ARMH4: variants seen among roughly 807,000 people sequenced by gnomAD.
The protein encoded by ARMH4 is armadillo-like helical domain-containing protein 4.
A neutral mutation model predicts 61.9 loss-of-function variants in ARMH4; 49 were observed. That is an observed-to-expected ratio of 0.79 (90% confidence interval 0.63 to 1.00). The LOEUF (loss-of-function observed/expected upper bound fraction) is 1.00. Among genes scored for constraint, ARMH4 ranks in the 50% least tolerant of loss-of-function variants. The probability of loss-of-function intolerance (pLI) is 0.00; values close to 1 mark genes in which losing one functional copy is unlikely to be tolerated. For missense variants in ARMH4, 934 were observed against 930.0 expected (o/e 1.00, Z -0.06); for synonymous variants, 368 against 341.5 (o/e 1.08, Z -0.85).
chr14:58,133,420 CT>C, intron 2 of ARMH4, 79 bp from the exon 3 acceptor site: 1 of 1,407,922 alleles, frequency 7.1e-7, no homozygotes, highest in Non-Finnish European at 9.5e-7. Context: ...TGATTAAAAA[CT>C]TGGGGGGAGG....
At chr14:58,044,020 G>A (rs1186371791) in intron 5 of ARMH4, among the ~76,000 whole-genome samples, 2 of 152,160 alleles carry the variant, frequency 1.3e-5, no homozygotes, top group African/African-American at 2.4e-5. Flanking sequence ...AATCAATATA[G>A]TGAAAATGGC....
intron 5 of ARMH4, among the ~76,000 whole-genome samples, chr14:58,074,595 A>C (rs998208931): frequency 6.6e-6 from 1 of 151,948 alleles, no homozygotes; most frequent in African/African-American, 2.4e-5. Context: ...ACCATGGCCA[A>C]TTTCCAACCA....
intron 4 of ARMH4, among the ~76,000 whole-genome samples, chr14:58,125,375 CA>C (rs761180315): frequency 2.0e-5 from 3 of 152,266 alleles, no homozygotes; most frequent in Admixed American, 1.3e-4. Flanking sequence ...AAACCTTCAC[CA>C]AACCTTTCAG....
chr14:58,010,569 G>A (rs1882371587), intron 6 of ARMH4, among the ~76,000 whole-genome samples: 5 of 151,956 alleles, frequency 3.3e-5, no homozygotes, highest in Admixed American at 3.3e-4. Flanking sequence ...AGAAAGTGAT[G>A]AGAAAGCTGG....
At chr14:58,095,733 G>C (rs1480690355) in intron 5 of ARMH4, among the ~76,000 whole-genome samples, 1 of 152,128 alleles carries the variant, frequency 6.6e-6, no homozygotes, top group East Asian at 1.9e-4. Context: ...CCAATCTATA[G>C]AGTGCAACTC....
intron 5 of ARMH4, among the ~76,000 whole-genome samples, chr14:58,082,269 C>T (rs1885252714): frequency 6.6e-6 from 1 of 152,174 alleles, no homozygotes; most frequent in African/African-American, 2.4e-5. Flanking sequence ...TATATAAAAG[C>T]TCGAGGAAGT....
intron 3 of ARMH4, among the ~76,000 whole-genome samples, chr14:58,132,777 G>T (rs943045279): frequency 2.0e-5 from 3 of 151,784 alleles, no homozygotes; most frequent in African/African-American, 7.3e-5. Flanking sequence ...AGTAGAGACG[G>T]GGTTTCACCA....
chr14:58,048,530 A>G (rs72714783), intron 5 of ARMH4, among the ~76,000 whole-genome samples: 154 of 152,312 alleles, frequency 1.0e-3, no homozygotes, highest in Non-Finnish European at 2.0e-3. Flanking sequence ...CAGCCCTTCA[A>G]ATTGCTGAGC....
chr14:58,116,362 C>T, intron 4 of ARMH4: 1 of 363,980 alleles, frequency 2.7e-6, no homozygotes, highest in South Asian at 2.1e-5. Flanking sequence ...GATTCAATTT[C>T]CATTTCAGGC....
At chr14:58,066,056 A>G (rs1884690764) in intron 5 of ARMH4, among the ~76,000 whole-genome samples, 1 of 152,184 alleles carries the variant, frequency 6.6e-6, no homozygotes, top group Admixed American at 6.5e-5. Flanking sequence ...ACCTAGCTAA[A>G]CTAGGCCTTG....
intron 5 of ARMH4, among the ~76,000 whole-genome samples, chr14:58,094,290 A>G (rs908699245): frequency 1.4e-5 from 2 of 146,268 alleles, no homozygotes; most frequent in African/African-American, 2.6e-5. Flanking sequence ...AGATCGCCCC[A>G]CTACACTCCA....
rs557813698 is a variant in ARMH4, at chr14:58,025,428, G to A, written c.2090-13278C>T. Among the ~76,000 whole-genome samples, 3 of 152,150 alleles carry A rather than the reference G, an allele frequency of 2.0e-5. No individual in the cohort carries two copies. The South Asian group carries it at 6.2e-4, about 32-fold the overall frequency. On this transcript the variant is annotated intron_variant, in intron 5 of 7. Coordinates refer to ENST00000267485, the MANE Select transcript of ARMH4 (RefSeq NM_001001872.4). Reference sequence around the variant, plus strand: ...AATTTTCAATATCACATCTTTCAAGGTGGGAAACCTGATTGTTATCTTAAT... The same window carrying A: ...AATTTTCAATATCACATCTTTCAAGATGGGAAACCTGATTGTTATCTTAAT...
intron 5 of ARMH4, among the ~76,000 whole-genome samples, chr14:58,042,385 T>C (rs1883755019): frequency 6.6e-6 from 1 of 152,228 alleles, no homozygotes; most frequent in South Asian, 2.1e-4. Context: ...GAAATAAAGA[T>C]GTTCTTTAAA....
chr14:58,085,721 C>T (rs903537331), intron 5 of ARMH4, among the ~76,000 whole-genome samples: 9 of 152,002 alleles, frequency 5.9e-5, no homozygotes, highest in African/African-American at 1.9e-4. Flanking sequence ...TCACACAGAT[C>T]GTAAGAAGAA....
At chr14:58,044,718 C>T (rs10151036) in intron 5 of ARMH4, among the ~76,000 whole-genome samples, 36,990 of 151,758 alleles carry the variant, frequency 0.24, 4,852 homozygotes, top group Non-Finnish European at 0.3. Flanking sequence ...TCTACTCATC[C>T]GATAAAGGGC....
chr14:58,034,140 G>C (rs898627557), intron 5 of ARMH4, among the ~76,000 whole-genome samples: 4 of 133,402 alleles, frequency 3.0e-5, no homozygotes, highest in African/African-American at 1.1e-4. Context: ...AAAATGTTAA[G>C]GGCAGCCAGA....
At chr14:58,007,100 T>G (rs2141126096) in intron 6 of ARMH4, among the ~76,000 whole-genome samples, 2 of 152,270 alleles carry the variant, frequency 1.3e-5, no homozygotes, top group Admixed American at 1.3e-4. Context: ...CCATTCCCAG[T>G]GTATGGAAAC....
chr14:58,011,585 A>C (rs1463871985), intron 6 of ARMH4, among the ~76,000 whole-genome samples: 3 of 152,166 alleles, frequency 2.0e-5, no homozygotes, highest in Admixed American at 6.6e-5. Flanking sequence ...ATTGAAAATC[A>C]AAAGAAAATG....
intron 4 of ARMH4, among the ~76,000 whole-genome samples, chr14:58,115,673 T>C (rs1005727485): frequency 6.6e-6 from 1 of 152,170 alleles, no homozygotes; most frequent in Non-Finnish European, 1.5e-5. Flanking sequence ...TCAACGAAGA[T>C]GCCCAACAAT....
Sources: gnomAD v4.1 joint callset for allele counts (sites outside exome capture counted in the v4.1 genomes callset) on GRCh38, gnomAD v4.1.1 for gene constraint, MANE v1.5 for transcripts, NCBI Gene and HGNC (gene_info 2026-07-23, HGNC 2026-07-21) for gene names.